Variants in DNAI3 observed in about 807,000 individuals in gnomAD.
DNAI3 encodes dynein axonemal intermediate chain 3.
A neutral mutation model predicts 115.5 loss-of-function variants in DNAI3; 83 were observed. The observed-to-expected ratio is 0.72, with a 90% CI of 0.60 to 0.86. The LOEUF (loss-of-function observed/expected upper bound fraction) is 0.86. DNAI3 is among the 40% of genes least tolerant of loss of function. The pLI, the probability that DNAI3 is intolerant of heterozygous loss-of-function variation, is 0.00. For synonymous variants in DNAI3, 320 were observed against 347.0 expected (o/e 0.92, Z 0.86); for missense variants, 1,004 against 1,075.8 (o/e 0.93, Z 0.93).
At position 85,082,526 on chromosome 1, in the gene DNAI3, C is replaced by T. The variant is rs190537314; in HGVS notation, c.390+122C>T. The T allele has an allele frequency of 3.7e-5, 27 of 726,060 alleles. No individual in the cohort carries two copies. The African/African-American group carries it at 4.0e-4, about 11-fold the overall frequency. The allele number at this position is 726,060 out of a possible 1,614,324, so 45.0% of individuals were successfully genotyped here. ...AGTGGCACAATCATGGTCACTGCAACGTCAATCTCCCAGGCCCAAGTGATC... is the reference window on the plus strand; with the variant it reads ...AGTGGCACAATCATGGTCACTGCAATGTCAATCTCCCAGGCCCAAGTGATC... On this transcript the variant is annotated intron_variant, in intron 5 of 22. Transcript: ENST00000294664.
intron 13 of DNAI3, 31 bp downstream of exon 13, chr1:85,098,689 T>C: frequency 6.2e-7 from 1 of 1,603,968 alleles, no homozygotes; most frequent in Non-Finnish European, 8.5e-7. Context: ...ACTTTTCTCC[T>C]GCTGAATTAC....
chr1:85,115,775 G>C (rs531998233), intron 16 of DNAI3, among the ~76,000 whole-genome samples: 4 of 152,250 alleles, frequency 2.6e-5, no homozygotes, highest in South Asian at 4.1e-4. Context: ...TGAATGTCCA[G>C]TTCACAATAG....
chr1:85,085,991 T>C lies in DNAI3; in HGVS notation c.701T>C (p.Val234Ala), dbSNP rs1654790751. Residue 234 changes from valine to alanine, a missense_variant, in exon 7 of 23, where the codon GTA (valine) becomes GCA (alanine). Physicochemically the swap from Val to Ala is moderately conservative, Grantham distance 64 (BLOSUM62 0). Coordinates refer to ENST00000294664, the MANE Select transcript of DNAI3 (RefSeq NM_145172.5). Reference sequence around the variant, plus strand: ...CTTGAAAAAGATGTTGGCATGCAAGTAATCCCCCAAATAAAGGACATAAGC... The same window carrying C: ...CTTGAAAAAGATGTTGGCATGCAAGCAATCCCCCAAATAAAGGACATAAGC... Reference protein sequence around the residue: ...KQLEKDVGMQVIPQIKDISTQ... With the variant: ...KQLEKDVGMQAIPQIKDISTQ... 6.2e-7 allele frequency: 1 copy of C among 1,614,002 alleles called. No homozygotes were observed. Among genetic ancestry groups the C allele is most frequent in the Non-Finnish European group, 8.5e-7 (1 of 1,180,010 alleles).
chr1:85,112,056 CT>C (rs66928964), intron 16 of DNAI3, among the ~76,000 whole-genome samples: 49,968 of 148,454 alleles, frequency 0.34, 8,692 homozygotes, highest in South Asian at 0.43. Flanking sequence ...AGTATATACT[CT>C]TTTTTTTTTT....
At chr1:85,081,079 A>T (rs1443007510) in intron 3 of DNAI3, among the ~76,000 whole-genome samples, 155 bp from the exon 4 acceptor site, 1 of 152,214 alleles carries the variant, frequency 6.6e-6, no homozygotes, top group Non-Finnish European at 1.5e-5. Context: ...CATTTAAAAA[A>T]TAATGGATAT....
chr1:85,098,649 C>T lies in DNAI3; in HGVS notation c.1470C>T (p.Asp490=), dbSNP rs1175641308. The T allele has an allele frequency of 6.2e-7, 1 of 1,612,720 alleles. No individual in the cohort carries two copies. The highest frequency in any genetic ancestry group is 8.5e-7 in the Non-Finnish European group (1 of 1,179,430). ...KVITDIHWLS[D]TFEINRMGSV... is the part of the protein sequence containing the mutation. ...TTACAGATATACACTGGTTGTCTGA[C>T]ACATTTGAGGTGAGACTTGATGGCC... Residue 490 remains aspartate (D), a synonymous_variant, in exon 13 of 23, where the codon GAC becomes GAT. Coordinates refer to ENST00000294664, the MANE Select transcript of DNAI3 (RefSeq NM_145172.5).
intron 16 of DNAI3, among the ~76,000 whole-genome samples, chr1:85,111,394 A>G (rs1655656321): frequency 6.6e-6 from 1 of 151,882 alleles, no homozygotes; most frequent in African/African-American, 2.4e-5. Context: ...CCTCTTTTGT[A>G]TTTGATCATT....
At chr1:85,062,996 T>A (rs748463546) in intron 1 of DNAI3, among the ~76,000 whole-genome samples, 18 of 152,242 alleles carry the variant, frequency 1.2e-4, no homozygotes, top group Non-Finnish European at 5.9e-5. Flanking sequence ...TCTTTGAAAG[T>A]AAGGACATTG....
At chr1:85,098,687 C>T (rs766476756) in intron 13 of DNAI3, 29 bp downstream of exon 13, 5 of 1,604,104 alleles carry the variant, frequency 3.1e-6, no homozygotes, top group African/African-American at 1.3e-5. Flanking sequence ...ATACTTTTCT[C>T]CTGCTGAATT....
At position 85,117,876 on chromosome 1, in the gene DNAI3, T is replaced by G; in HGVS notation, c.1917+17T>G. On this transcript the variant is annotated intron_variant, in intron 17 of 22. Transcript: ENST00000294664. ...GGAACAGAGGTAAATTGGGATTATCTGCTTTTAAAATTAATACTTATTTAT... is the reference window on the plus strand; with the variant it reads ...GGAACAGAGGTAAATTGGGATTATCGGCTTTTAAAATTAATACTTATTTAT... 7 of 1,609,122 alleles carry G rather than the reference T, an allele frequency of 4.4e-6. No homozygotes were observed. The highest frequency in any genetic ancestry group is 5.9e-6 in the Non-Finnish European group (7 of 1,177,198).
intron 5 of DNAI3, among the ~76,000 whole-genome samples, chr1:85,083,789 T>G (rs1015755997): frequency 5.9e-5 from 9 of 152,088 alleles, no homozygotes; most frequent in Non-Finnish European, 1.3e-4. Flanking sequence ...TTCCATTTTC[T>G]TTACTCCTCC....
In DNAI3 at chr1:85,132,883, T is replaced by C. The variant is rs1656383924; in HGVS notation, c.2561T>C (p.Met854Thr). ...VKTYQKSKEQ[M>T]QAELKMDYES... The stretch of plus-strand genomic sequence containing the variant: ...ACATATCAGAAGTCAAAAGAACAAA[T>C]GCAGGCTGAATTAAAAATGGACTAT... Residue 854 changes from methionine (M) to threonine (T), a missense_variant, in exon 23 of 23, where the codon ATG becomes ACG. Transcript: ENST00000294664. The C allele has an allele frequency of 6.2e-7, 1 of 1,613,762 alleles. No individual in the cohort carries two copies. The highest frequency in any genetic ancestry group is 8.5e-7 in the Non-Finnish European group (1 of 1,179,840).
chr1:85,093,553 C>T lies in DNAI3; in HGVS notation c.953C>T (p.Thr318Ile). ...AEEEGTFGDK[T>I]DTHLKEYQSF... ...GAAGAAGGCACCTTTGGGGACAAGA[C>T]CGATACCCACCTGAAAGAGTACCAG... The change falls in exon 9 of 23, where the codon ACC becomes ATC. Residue 318 changes from threonine (T) to isoleucine (I), a missense_variant. Physicochemically the swap from Thr to Ile is moderately conservative, Grantham distance 89. Transcript: ENST00000294664. 1 of 1,614,172 alleles carries T rather than the reference C, an allele frequency of 6.2e-7. No individual in the cohort carries two copies. Among genetic ancestry groups the T allele is most frequent in the African/African-American group, 1.3e-5 (1 of 75,042 alleles).
chr1:85,098,990 A>G (rs1655206927), intron 13 of DNAI3, among the ~76,000 whole-genome samples: 1 of 152,206 alleles, frequency 6.6e-6, no homozygotes, highest in African/African-American at 2.4e-5. Context: ...AAGATTTATG[A>G]TCTCAGATAT....
intron 19 of DNAI3, 61 bp downstream of exon 19, chr1:85,124,312 A>G: frequency 6.2e-7 from 1 of 1,612,608 alleles, no homozygotes; most frequent in Non-Finnish European, 8.5e-7. Flanking sequence ...GAAAGACAAG[A>G]GGAACTGTTA....
chr1:85,069,117 C>T (rs1273216808), intron 1 of DNAI3, among the ~76,000 whole-genome samples: 1 of 152,194 alleles, frequency 6.6e-6, no homozygotes, highest in Non-Finnish European at 1.5e-5. Flanking sequence ...ATCCCTGTCA[C>T]CTTTCTGACC....
At position 85,105,122 on chromosome 1, in the gene DNAI3, C is replaced by CA. The variant is rs1190010716; in HGVS notation, c.1553+528dup. On this transcript the variant is annotated intron_variant, in intron 14 of 22. Coordinates refer to ENST00000294664, the MANE Select transcript of DNAI3 (RefSeq NM_145172.5). Reference sequence around the variant, plus strand: ...AAGAGTAATATCATTATCTAGCATCCAAATGTTGGACAAACTTTCCCATTC... The same window carrying CA: ...AAGAGTAATATCATTATCTAGCATCCAAAATGTTGGACAAACTTTCCCATTC... Among the ~76,000 whole-genome samples, 3 of 152,164 alleles carry CA rather than the reference C, an allele frequency of 2.0e-5. No homozygotes were observed. The East Asian group carries it at 5.8e-4, about 29-fold the overall frequency.
rs779023252 is a variant in DNAI3, at chr1:85,108,131, C to T, written c.1652C>T (p.Pro551Leu). The T allele has an allele frequency of 6.8e-6, 11 of 1,608,188 alleles. 1 individual carries two copies. In the East Asian group the frequency reaches 2.2e-4, roughly 33 times the overall value. Residue 551 changes from proline (P) to leucine (L), a missense_variant, in exon 15 of 23, where the codon CCA (proline) becomes CTA (leucine). Physicochemically the swap from Pro to Leu is moderately conservative, Grantham distance 98. Around this residue, in one of 3 missense-constraint regions of DNAI3, gnomAD observed 429 missense variants for 454.3 expected, o/e 0.94. Transcript: ENST00000294664. ...EESIEIPFDV[P>L]STFLHLDLSW... ...AGTATTGAAATTCCTTTTGATGTAC[C>T]ATCTACTTTTTTGCATCTGGATCTC...
chr1:85,107,356 G>A (rs1655518951), intron 14 of DNAI3, among the ~76,000 whole-genome samples: 1 of 152,070 alleles, frequency 6.6e-6, no homozygotes, highest in Admixed American at 6.6e-5. Context: ...ACTGATGAGT[G>A]GATACATAAA....
Sources: gnomAD v4.1 joint callset for allele counts (sites outside exome capture counted in the v4.1 genomes callset) on GRCh38, gnomAD v4.1.1 for gene constraint, gnomAD v4.1.1 regional missense constraint, MANE v1.5 for transcripts, NCBI Gene and HGNC (gene_info 2026-07-23, HGNC 2026-07-21) for gene names.